The following PDE4D variants were observed in gnomAD, a reference collection of about 807,000 sequenced individuals.
The protein encoded by PDE4D is phosphodiesterase 4D, also known as 3',5'-cyclic-AMP phosphodiesterase 4D.
Under a neutral mutation model 87.4 loss-of-function variants are expected in PDE4D, and 24 were observed. That is an observed-to-expected ratio of 0.27 (90% CI 0.20 to 0.39). PDE4D has a LOEUF of 0.39. Among genes scored for constraint, PDE4D ranks in the 10% least tolerant of loss-of-function variants. The pLI is 1.00. For synonymous variants in PDE4D, 384 were observed against 383.2 expected, an observed-to-expected ratio of 1.00 and a Z score of -0.02; for missense variants, 714 against 1,041.0, an observed-to-expected ratio of 0.69 and a Z score of 4.32.
intron 1 of PDE4D, among the ~76,000 whole-genome samples, chr5:60,468,827 G>C (rs1747599583): frequency 6.6e-6 from 1 of 151,930 alleles, no homozygotes; most frequent in African/African-American, 2.4e-5. Context: ...ACTGTGCCCA[G>C]CCTTCCCTCC....
chr5:60,173,251 C>A (rs78544888), intron 2 of PDE4D, among the ~76,000 whole-genome samples: 4 of 152,000 alleles, frequency 2.6e-5, no homozygotes, highest in Non-Finnish European at 5.9e-5. Flanking sequence ...ACTAGTTGTG[C>A]ATCTTGGCTA....
rs1316650074 is a variant in PDE4D, at chr5:59,015,253, A to C, written c.922-21788T>G. ...CTGAAACACCAAAAGCAATGGCAAC[A>C]AGAGCCAAAATTGACAAATGGGATC... On this transcript the variant is annotated intron_variant, in intron 6 of 14. Transcript: ENST00000340635. Among the ~76,000 whole-genome samples the C allele has an allele frequency of 2.0e-5, 3 of 152,042 alleles. No individual in the cohort carries two copies. In the East Asian group the frequency reaches 5.8e-4, roughly 29 times the overall value.
chr5:59,442,297 CAAA>C (rs1201760956), intron 1 of PDE4D, among the ~76,000 whole-genome samples: 1 of 152,140 alleles, frequency 6.6e-6, no homozygotes, highest in South Asian at 2.1e-4. Context: ...TGGGGAACAT[CAAA>C]TAGTGAACAC....
intron 1 of PDE4D, among the ~76,000 whole-genome samples, chr5:60,438,511 C>T (rs1744938142): frequency 1.3e-5 from 2 of 152,012 alleles, no homozygotes; most frequent in Non-Finnish European, 2.9e-5. Context: ...TGACTGTACC[C>T]CTTGTGTCTA....
chr5:59,003,419 C>T (rs1750940047), intron 6 of PDE4D, among the ~76,000 whole-genome samples: 1 of 152,214 alleles, frequency 6.6e-6, no homozygotes, highest in Admixed American at 6.6e-5. Flanking sequence ...CCTCCTTCTT[C>T]TACTCTGCCA....
chr5:59,935,728 G>T (rs544408637), intron 3 of PDE4D, among the ~76,000 whole-genome samples: 1 of 152,172 alleles, frequency 6.6e-6, no homozygotes, highest in East Asian at 1.9e-4. Context: ...ATTTAGCATC[G>T]TTTAGGAGCT....
At chr5:59,713,126 A>T (rs1277782429) in intron 1 of PDE4D, among the ~76,000 whole-genome samples, 1 of 152,242 alleles carries the variant, frequency 6.6e-6, no homozygotes, top group Non-Finnish European at 1.5e-5. Context: ...AGGAAAAAAA[A>T]CAATAAGTGA....
chr5:59,028,754 G>A (rs1279002522), intron 6 of PDE4D, among the ~76,000 whole-genome samples: 1 of 151,822 alleles, frequency 6.6e-6, no homozygotes, highest in Admixed American at 6.6e-5. Flanking sequence ...TCCAACTGAG[G>A]GTAAAGAAGG....
chr5:60,039,155 C>A (rs1277090558), intron 2 of PDE4D, among the ~76,000 whole-genome samples: 2 of 151,738 alleles, frequency 1.3e-5, no homozygotes, highest in African/African-American at 2.4e-5. Context: ...TATTGTGGCA[C>A]TATTCACAAT....
At chr5:59,639,812 A>AGTGTGTGTGT (rs70975323) in intron 1 of PDE4D, among the ~76,000 whole-genome samples, 75 of 143,712 alleles carry the variant, frequency 5.2e-4, no homozygotes, top group African/African-American at 1.6e-3. Context: ...TAGTGTCTAT[A>AGTGTGTGTGT]GTGTGTGTGT....
chr5:59,153,864 G>A (rs375482493), intron 5 of PDE4D, among the ~76,000 whole-genome samples: 18 of 152,036 alleles, frequency 1.2e-4, no homozygotes, highest in African/African-American at 3.6e-4. Context: ...AGCCTGACTC[G>A]GCCTGAGGAA....
intron 1 of PDE4D, among the ~76,000 whole-genome samples, chr5:59,606,894 C>T (rs560739407): frequency 1.3e-5 from 2 of 152,112 alleles, no homozygotes; most frequent in South Asian, 2.1e-4. Context: ...TTTATTTTCC[C>T]CATATTCATC....
chr5:59,964,779 T>A (rs1294714997), intron 3 of PDE4D, among the ~76,000 whole-genome samples: 2 of 152,118 alleles, frequency 1.3e-5, no homozygotes, highest in African/African-American at 2.4e-5. Context: ...CATCTTTTTT[T>A]AAAAAGGCAA....
chr5:59,035,057 G>A (rs899726933), intron 6 of PDE4D, among the ~76,000 whole-genome samples: 2 of 152,218 alleles, frequency 1.3e-5, no homozygotes, highest in Non-Finnish European at 2.9e-5. Flanking sequence ...TGAGGCCCAG[G>A]CCGCTGTCCT....
intron 5 of PDE4D, among the ~76,000 whole-genome samples, chr5:59,150,869 G>A (rs1014620185): frequency 1.3e-5 from 2 of 152,196 alleles, no homozygotes; most frequent in East Asian, 3.9e-4. Context: ...TGGGCCTAGA[G>A]AAGCTATGGC....
chr5:59,765,363 T>C (rs2150807993), intron 1 of PDE4D, among the ~76,000 whole-genome samples: 1 of 152,318 alleles, frequency 6.6e-6, no homozygotes, highest in South Asian at 2.1e-4. Flanking sequence ...AATTCAACAA[T>C]GGCATATGTT....
At chr5:60,097,837 T>C (rs1775829451) in intron 2 of PDE4D, among the ~76,000 whole-genome samples, 1 of 151,920 alleles carries the variant, frequency 6.6e-6, no homozygotes, top group Non-Finnish European at 1.5e-5. Context: ...CCTTTTAAGT[T>C]TACAGAATCT....
intron 1 of PDE4D, among the ~76,000 whole-genome samples, chr5:59,228,443 A>C (rs925154826): frequency 2.6e-5 from 4 of 151,774 alleles, no homozygotes; most frequent in South Asian, 2.1e-4. Context: ...CAACAACAAA[A>C]AAAAAAAACA....
intron 1 of PDE4D, among the ~76,000 whole-genome samples, chr5:59,271,729 C>A (rs1561855371): frequency 6.6e-6 from 1 of 151,962 alleles, no homozygotes; most frequent in East Asian, 1.9e-4. Flanking sequence ...ATAACCTGAG[C>A]AAATTGTGGT....
Sources: gnomAD v4.1 joint callset for allele counts (sites outside exome capture counted in the v4.1 genomes callset) on GRCh38, gnomAD v4.1.1 for gene constraint, MANE v1.5 for transcripts, NCBI Gene and HGNC (gene_info 2026-07-23, HGNC 2026-07-21) for gene names.